Variants in CTXND2 observed in about 807,000 individuals in gnomAD.
The protein encoded by CTXND2 is cortexin domain containing 2.
intron 1 of CTXND2, among the ~76,000 whole-genome samples, chr1:150,895,558 G>T (rs111799716): frequency 6.6e-6 from 1 of 152,056 alleles, no homozygotes. Context: ...TGACTAGGCT[G>T]GTCTTGAACT....
At chr1:150,909,237 CA>C (rs374506106) in intron 1 of CTXND2, among the ~76,000 whole-genome samples, 61 of 82,038 alleles carry the variant, frequency 7.4e-4, no homozygotes, top group African/African-American at 8.5e-4. Flanking sequence ...GACTCCTTCT[CA>C]AAAAAAAAAA....
intron 1 of CTXND2, among the ~76,000 whole-genome samples, chr1:150,900,551 G>A (rs1005603573): frequency 1.3e-5 from 2 of 152,208 alleles, no homozygotes; most frequent in African/African-American, 4.8e-5. Flanking sequence ...TTGGGAAACA[G>A]GCTGGAGAAT....
intron 1 of CTXND2, chr1:150,904,086 C>T (rs1468836874): frequency 1.3e-4 from 87 of 663,150 alleles, no homozygotes; most frequent in South Asian, 1.1e-3. Flanking sequence ...GGAGAGGATA[C>T]GCTGATGGAG....
intron 1 of CTXND2, chr1:150,903,878 T>C: frequency 1.7e-6 from 1 of 589,596 alleles, no homozygotes; most frequent in East Asian, 3.9e-5. Flanking sequence ...GCACCAGTGA[T>C]GAAAAAGAGA....
intron 1 of CTXND2, among the ~76,000 whole-genome samples, chr1:150,911,148 A>G (rs1424122385): frequency 7.9e-6 from 1 of 126,080 alleles, no homozygotes; most frequent in Non-Finnish European, 1.6e-5. Context: ...GGGTTTCATT[A>G]TGTTGGCCAG....
exon 2 of CTXND2, chr1:150,913,124 A>G (rs992602095): frequency 2.0e-5 from 3 of 152,168 alleles, no homozygotes; most frequent in African/African-American, 7.2e-5. Context: ...GTCTTTGCAA[A>G]TATAATTAAG....
intron 1 of CTXND2, among the ~76,000 whole-genome samples, chr1:150,892,203 A>T (rs61817648): frequency 0.027 from 4,047 of 152,308 alleles, 77 homozygotes; most frequent in Non-Finnish European, 0.039. Context: ...ATGTGCCTGA[A>T]GTCATAAAGA....
chr1:150,891,729 C>A lies in CTXND2; in HGVS notation c.-74+4416C>A, dbSNP rs587715565. On this transcript the variant is annotated intron_variant, in intron 1 of 1. Transcript: ENST00000636087. ...CTGTTTCTCAAACATACTATATTGT[C>A]CTCCCTTAAACCTTCATATCTTTAC... Among the ~76,000 whole-genome samples, 4 of 152,234 alleles carry A rather than the reference C, an allele frequency of 2.6e-5. No individual in the cohort carries two copies. In the South Asian group the frequency reaches 8.3e-4, roughly 32 times the overall value.
At chr1:150,910,152 A>G (rs1205809841) in intron 1 of CTXND2, among the ~76,000 whole-genome samples, 1 of 123,902 alleles carries the variant, frequency 8.1e-6, no homozygotes, top group African/African-American at 3.2e-5. Context: ...TTTTTTTGAG[A>G]CGGGTCTCCA....
At chr1:150,903,280 C>T (rs1669075466) in intron 1 of CTXND2, among the ~76,000 whole-genome samples, 2 of 151,858 alleles carry the variant, frequency 1.3e-5, no homozygotes, top group South Asian at 2.1e-4. Context: ...GTGGGGGTTG[C>T]GTATATAATT....
rs1571603642 is a variant in CTXND2 at position 150,903,819 on chromosome 1, C to T, written c.-73-8423C>T. 3 of 426,946 alleles carry T rather than the reference C, an allele frequency of 7.0e-6. No individual in the cohort carries two copies. The East Asian group carries it at 1.7e-4, about 25-fold the overall frequency. The allele number at this position is 426,946 out of a possible 1,614,324, so 26.4% of individuals were successfully genotyped here. A position where few individuals can be genotyped will look rare whatever the true frequency, so the allele number is the denominator to read the frequency against. ...CCGTCTCAAAAAAAAAAAAAAATTG[C>T]CTTTATGGAGAGAGTGGGATGTCCG... On this transcript the variant is annotated intron_variant, in intron 1 of 1. Coordinates refer to ENST00000636087, the Ensembl canonical transcript of CTXND2.
intron 1 of CTXND2, among the ~76,000 whole-genome samples, chr1:150,898,253 T>G (rs753365519): frequency 2.6e-4 from 39 of 152,142 alleles, no homozygotes; most frequent in Admixed American, 6.5e-5. Context: ...GTTATTTATC[T>G]GCAGATGCCT....
chr1:150,887,577 G>A (rs370799207), intron 1 of CTXND2, among the ~76,000 whole-genome samples: 4 of 152,152 alleles, frequency 2.6e-5, no homozygotes, highest in African/African-American at 7.2e-5. Flanking sequence ...AGCTTTTTAC[G>A]AAAAGTTAAA....
intron 1 of CTXND2, among the ~76,000 whole-genome samples, chr1:150,889,213 TC>T (rs1362543186): frequency 1.3e-5 from 2 of 151,812 alleles, no homozygotes; most frequent in Non-Finnish European, 2.9e-5. Context: ...ATCGAGACCA[TC>T]CTGGCTAACA....
At chr1:150,908,011 CTTT>C (rs745450518) in intron 1 of CTXND2, among the ~76,000 whole-genome samples, 2 of 120,382 alleles carry the variant, frequency 1.7e-5, no homozygotes, top group African/African-American at 3.0e-5. Context: ...GCCCAGCCAG[CTTT>C]TTTTTTTTTT....
chr1:150,911,993 A>G (rs1235980447), intron 1 of CTXND2, among the ~76,000 whole-genome samples: 1 of 152,298 alleles, frequency 6.6e-6, no homozygotes, highest in African/African-American at 2.4e-5. Context: ...GGCAGGCCCA[A>G]CTGATTCCTA....
chr1:150,890,392 C>G (rs1354580655), intron 1 of CTXND2, among the ~76,000 whole-genome samples: 1 of 152,190 alleles, frequency 6.6e-6, no homozygotes, highest in Non-Finnish European at 1.5e-5. Flanking sequence ...AGGAGACAGT[C>G]AGTGCCCAGC....
intron 1 of CTXND2, among the ~76,000 whole-genome samples, chr1:150,901,180 A>G (rs1024763980): frequency 2.0e-5 from 3 of 147,874 alleles, no homozygotes; most frequent in Admixed American, 1.4e-4. Flanking sequence ...ATAGGAATAC[A>G]TTTAAGAAAA....
At chr1:150,910,246 C>T (rs1034269075) in intron 1 of CTXND2, among the ~76,000 whole-genome samples, 1 of 150,612 alleles carries the variant, frequency 6.6e-6, no homozygotes, top group African/African-American at 2.4e-5. Flanking sequence ...TTTCCTGCCT[C>T]AGTCTCCTGA....
Sources: allele counts gnomAD v4.1 joint callset (sites outside exome capture counted in the v4.1 genomes callset), GRCh38; gene constraint gnomAD v4.1.1; transcripts MANE v1.5; gene names NCBI Gene and HGNC (gene_info 2026-07-23, HGNC 2026-07-21).